GSDME: variants seen among roughly 807,000 people sequenced by gnomAD.
The protein encoded by GSDME is gasdermin-E.
A neutral mutation model predicts 47.5 loss-of-function variants in GSDME; 44 were observed. That is an observed-to-expected ratio of 0.93 (90% CI 0.73 to 1.19). The LOEUF (loss-of-function observed/expected upper bound fraction) is 1.19. GSDME is among the 50% of genes most tolerant of loss of function. The probability of loss-of-function intolerance (pLI) is 0.00; values close to 1 mark genes in which losing one functional copy is unlikely to be tolerated. For synonymous variants in GSDME, 258 were observed against 252.8 expected (o/e 1.02, Z -0.20); for missense variants, 663 against 604.2 (o/e 1.10, Z -1.02).
chr7:24,749,638 C>T lies in GSDME; in HGVS notation c.137G>A (p.Trp46Ter), dbSNP rs1184938361. 8.1e-6 allele frequency: 13 copies of T among 1,614,078 alleles called. No homozygotes were observed. The highest frequency in any genetic ancestry group is 1.0e-5 in the Non-Finnish European group (12 of 1,180,018). ...TAAAAACTGGTACTTGGGTCTCTGC[C>T]AGCACCAGAATCTCTTCTTTTTTGT... ...LVTKKKRFWC[W>*]QRPKYQFLSL... Residue 46 changes from tryptophan (W) to a stop codon, truncating the protein, a stop_gained, in exon 2 of 10, where the codon TGG becomes TAG. Coordinates refer to ENST00000645220, the MANE Select transcript of GSDME (RefSeq NM_001127453.2). LOFTEE classifies it high-confidence loss of function.
chr7:24,699,041 G>A lies in GSDME; in HGVS notation c.1476C>T (p.Gly492=), dbSNP rs1468132079. The A allele has an allele frequency of 6.2e-7, 1 of 1,612,138 alleles. No individual in the cohort carries two copies. Among genetic ancestry groups the A allele is most frequent in the Admixed American group, 1.7e-5 (1 of 60,002 alleles). The change falls in exon 10 of 10, where the codon GGC becomes GGT. Residue 492 remains glycine, a synonymous_variant. Coordinates refer to ENST00000645220, the MANE Select transcript of GSDME (RefSeq NM_001127453.2). ...ACATATGACATCATGAATGTTCTCTGCCTAAAGCACAGAGTCCATTCAGGG... is the reference window on the plus strand; with the variant it reads ...ACATATGACATCATGAATGTTCTCTACCTAAAGCACAGAGTCCATTCAGGG... ...CITLNGLCAL[G]REHS
intron 3 of GSDME, among the ~76,000 whole-genome samples, chr7:24,740,074 C>G (rs1023114190): frequency 1.5e-4 from 21 of 141,010 alleles, no homozygotes; most frequent in African/African-American, 5.5e-4. Flanking sequence ...GCCTGGGTGA[C>G]AGAGCAAGAC....
intron 9 of GSDME, among the ~76,000 whole-genome samples, chr7:24,701,172 G>A (rs1244563213): frequency 6.6e-6 from 1 of 152,164 alleles, no homozygotes; most frequent in East Asian, 1.9e-4. Flanking sequence ...GAAACATGAC[G>A]CTCAAATTCC....
intron 4 of GSDME, among the ~76,000 whole-genome samples, chr7:24,718,551 G>C (rs1789654986): frequency 6.6e-6 from 1 of 152,174 alleles, no homozygotes; most frequent in Non-Finnish European, 1.5e-5. Flanking sequence ...TTTTGCATTT[G>C]GCCTGATCAG....
the GSDME span, among the ~76,000 whole-genome samples, chr7:24,770,710 A>AAAATGCTAG: frequency 6.6e-6 from 1 of 152,296 alleles, no homozygotes; most frequent in East Asian, 1.9e-4. This position sits in a 1 kb window ranked among gnomAD's most constrained non-coding sequence, Gnocchi z 4.6. Flanking sequence ...AATTCTATGA[A>AAAATGCTAG]AGAACCAAAA....
chr7:24,771,058 C>T, the GSDME span, among the ~76,000 whole-genome samples: 6 of 151,870 alleles, frequency 4.0e-5, no homozygotes, highest in African/African-American at 1.5e-4. The surrounding 1 kb of genome is among the most constrained non-coding windows in gnomAD (Gnocchi z 4.1). Flanking sequence ...TCAGAGAACA[C>T]CAAGCAGGAT....
In GSDME at chr7:24,710,252, C is replaced by A; in HGVS notation, c.834G>T (p.Gln278His). 6.2e-7 allele frequency: 1 copy of A among 1,614,138 alleles called. No homozygotes were observed. The highest frequency in any genetic ancestry group is 8.5e-7 in the Non-Finnish European group (1 of 1,180,040). Residue 278 changes from glutamine (Q) to histidine (H), a missense_variant, in exon 6 of 10, where the codon CAG becomes CAT. Transcript: ENST00000645220. ...GCTTTAAAACACTTAATGGTCCATC[C>A]TGGGAAGATATCCCATGCGCAGCAT... ...MPDAAHGISS[Q>H]DGPLSVLKQA...
At chr7:24,731,748 T>C (rs746553221) in intron 3 of GSDME, among the ~76,000 whole-genome samples, 3 of 152,226 alleles carry the variant, frequency 2.0e-5, no homozygotes, top group Admixed American at 1.3e-4. Flanking sequence ...CCGATCCCAT[T>C]TTGCTAATCA....
rs777359423 is a variant in GSDME, at chr7:24,706,179, C to T, written c.1183+5G>A. 1.2e-6 allele frequency: 2 copies of T among 1,614,204 alleles called. No individual in the cohort carries two copies. The highest frequency in any genetic ancestry group is 1.1e-5 in the South Asian group (1 of 91,082). On this transcript the variant is annotated splice_donor_5th_base_variant and intron_variant, in intron 8 of 9. Coordinates refer to ENST00000645220, the MANE Select transcript of GSDME (RefSeq NM_001127453.2). ...GCCATTTCTTTCATTTTCTTTTCTC[C>T]TTACCTGCGAGGGCACTGACCAAGA...
chr7:24,704,447 A>T (rs1789010650), intron 8 of GSDME: 1 of 152,170 alleles, frequency 6.6e-6, no homozygotes. Flanking sequence ...AGGAGAGAAG[A>T]TTATATTAAG....
chr7:24,737,502 A>G (rs1246624586), intron 3 of GSDME, among the ~76,000 whole-genome samples: 1 of 152,092 alleles, frequency 6.6e-6, no homozygotes, highest in Non-Finnish European at 1.5e-5. Flanking sequence ...CAAAGCCAAA[A>G]TAAAGTCTCC....
At chr7:24,773,148 C>T in the GSDME span, among the ~76,000 whole-genome samples, 2 of 152,164 alleles carry the variant, frequency 1.3e-5, no homozygotes, top group African/African-American at 2.4e-5. The surrounding 1 kb of genome is among the most constrained non-coding windows in gnomAD (Gnocchi z 5.4). Flanking sequence ...CCTGGAAACT[C>T]GTCAGTGACA....
At chr7:24,763,189 C>T in the GSDME span, among the ~76,000 whole-genome samples, 3 of 152,042 alleles carry the variant, frequency 2.0e-5, no homozygotes, top group Non-Finnish European at 2.9e-5. The surrounding 1 kb of genome is among the most constrained non-coding windows in gnomAD (Gnocchi z 4.3). Context: ...ATTTGCAGTT[C>T]GAGGTGAGAT....
intron 4 of GSDME, among the ~76,000 whole-genome samples, chr7:24,718,576 T>C (rs1477250357): frequency 6.6e-6 from 1 of 152,218 alleles, no homozygotes; most frequent in Non-Finnish European, 1.5e-5. Flanking sequence ...TGTGTGTTCA[T>C]TTTTCTTGGG....
rs1483888057 is a variant in GSDME at position 24,748,168 on chromosome 7, A to ATATAT, written c.211+1395_211+1396insATATA. On this transcript the variant is annotated intron_variant, in intron 2 of 9. Transcript: ENST00000645220. ...AGTATATATATATATATATATATAT[A>ATATAT]TTTTTTTTTGAGATGGAATCTCACT... 6.0e-5 allele frequency among the ~76,000 whole-genome samples: 7 copies of ATATAT among 117,498 alleles called. No individual in the cohort carries two copies. The South Asian group carries it at 9.1e-4, about 15-fold the overall frequency. 77.1% of individuals were successfully genotyped at this position (117,498 alleles called of 152,430 possible).
At chr7:24,710,881 G>T (rs910084504) in intron 5 of GSDME, among the ~76,000 whole-genome samples, 1 of 152,092 alleles carries the variant, frequency 6.6e-6, no homozygotes, top group Non-Finnish European at 1.5e-5. Context: ...ATAAAATACT[G>T]ATGTCTGCAG....
the GSDME span, among the ~76,000 whole-genome samples, chr7:24,782,040 C>T: frequency 6.6e-6 from 1 of 152,070 alleles, no homozygotes; most frequent in Admixed American, 6.5e-5. Flanking sequence ...GCCACAGCAC[C>T]CAGCCCAAAA....
At chr7:24,783,110 T>C in the GSDME span, among the ~76,000 whole-genome samples, 3 of 152,242 alleles carry the variant, frequency 2.0e-5, no homozygotes, top group Non-Finnish European at 2.9e-5. Flanking sequence ...AAAACTCCAC[T>C]GTACACTCAT....
At chr7:24,789,134 C>T in the GSDME span, among the ~76,000 whole-genome samples, 5 of 152,128 alleles carry the variant, frequency 3.3e-5, no homozygotes, top group Non-Finnish European at 7.4e-5. Flanking sequence ...GCAAATGGAA[C>T]TTTAGGGAGT....
Sources: gnomAD v4.1 joint callset for allele counts (sites outside exome capture counted in the v4.1 genomes callset) on GRCh38, gnomAD v4.1.1 for gene constraint, Gnocchi (gnomAD v3.1) non-coding constraint, MANE v1.5 for transcripts, NCBI Gene and HGNC (gene_info 2026-07-23, HGNC 2026-07-21) for gene names.